The following LRBA variants were observed in gnomAD, a reference collection of about 807,000 sequenced individuals.
LRBA encodes the protein lipopolysaccharide-responsive and beige-like anchor protein.
LRBA carries 176 observed loss-of-function variants against 330.0 expected under a neutral mutation model. That is an observed-to-expected ratio of 0.53 (90% CI 0.47 to 0.60). The LOEUF is 0.60. LRBA is among the 20% of genes least tolerant of loss of function. LRBA has a pLI of 0.00. For missense variants in LRBA, 3,259 were observed against 3,444.8 expected (o/e 0.95, Z 1.35); for synonymous variants, 1,230 against 1,193.0 (o/e 1.03, Z -0.64).
intron 2 of LRBA, among the ~76,000 whole-genome samples, chr4:150,969,956 A>G (rs1002399918): frequency 3.3e-5 from 5 of 152,194 alleles, no homozygotes; most frequent in African/African-American, 1.2e-4. Flanking sequence ...ATTGCATGCT[A>G]CAGAGAAATT....
chr4:150,592,474 T>C (rs1773009600), intron 38 of LRBA, among the ~76,000 whole-genome samples: 1 of 152,006 alleles, frequency 6.6e-6, no homozygotes, highest in African/African-American at 2.4e-5. Context: ...TAATAAGAAG[T>C]CATGGGAAGA....
At chr4:150,685,715 G>A (rs372334435) in intron 36 of LRBA, among the ~76,000 whole-genome samples, 34 of 151,694 alleles carry the variant, frequency 2.2e-4, no homozygotes, top group African/African-American at 7.3e-4. Flanking sequence ...GATTACAGGC[G>A]TGAGCCACCG....
chr4:150,959,308 C>T (rs1737883042), intron 2 of LRBA, among the ~76,000 whole-genome samples: 1 of 149,178 alleles, frequency 6.7e-6, no homozygotes, highest in African/African-American at 2.6e-5. Flanking sequence ...AACCCACCCC[C>T]ATGATTCAAT....
intron 44 of LRBA, among the ~76,000 whole-genome samples, chr4:150,456,834 T>C (rs372501568): frequency 6.6e-6 from 1 of 152,092 alleles, no homozygotes; most frequent in African/African-American, 2.4e-5. Context: ...TTCATTTTGA[T>C]TTGATTTTTG....
At chr4:150,515,629 A>G (rs1471470452) in intron 40 of LRBA, among the ~76,000 whole-genome samples, 1 of 152,168 alleles carries the variant, frequency 6.6e-6, no homozygotes, top group Admixed American at 6.5e-5. Flanking sequence ...AATAAATGAA[A>G]TAATAAAATG....
intron 2 of LRBA, among the ~76,000 whole-genome samples, chr4:150,943,024 G>A (rs570489078): frequency 2.0e-5 from 3 of 152,088 alleles, no homozygotes; most frequent in African/African-American, 4.8e-5. Flanking sequence ...CAAAATAGTC[G>A]AAATCTCCTC....
intron 56 of LRBA, among the ~76,000 whole-genome samples, chr4:150,273,649 A>G (rs1218865480): frequency 9.2e-5 from 14 of 152,100 alleles, no homozygotes; most frequent in Non-Finnish European, 2.9e-5. Context: ...AAAAAAAAAA[A>G]GCAGGGTTGC....
intron 47 of LRBA, among the ~76,000 whole-genome samples, chr4:150,409,436 G>C (rs1746645808): frequency 6.6e-6 from 1 of 152,060 alleles, no homozygotes; most frequent in Non-Finnish European, 1.5e-5. Context: ...CCACAGTTCT[G>C]CAATACTAGC....
intron 2 of LRBA, among the ~76,000 whole-genome samples, chr4:151,011,234 T>G (rs1744807132): frequency 6.6e-6 from 1 of 151,452 alleles, no homozygotes; most frequent in Non-Finnish European, 1.5e-5. Context: ...GGCTCTACCA[T>G]GTACTATTTG....
At chr4:150,544,601 T>C (rs989488535) in intron 40 of LRBA, among the ~76,000 whole-genome samples, 1 of 152,146 alleles carries the variant, frequency 6.6e-6, no homozygotes, top group African/African-American at 2.4e-5. Context: ...CCACACTTCC[T>C]TGCCACAGCA....
intron 34 of LRBA, among the ~76,000 whole-genome samples, chr4:150,762,852 T>C (rs909504206): frequency 6.6e-6 from 1 of 151,996 alleles, no homozygotes; most frequent in Non-Finnish European, 1.5e-5. Context: ...ATTCATATTT[T>C]CTGAGTGTAA....
intron 34 of LRBA, among the ~76,000 whole-genome samples, chr4:150,775,805 G>GAAAAAAAAAAAAAAAAAA (rs35161747): frequency 1.0e-4 from 6 of 59,982 alleles, no homozygotes; most frequent in African/African-American, 2.4e-4. Context: ...AAGAAAGAAT[G>GAAAAAAAAAAAAAAAAAA]AAAAAAAAAA....
Position 150,574,055 on chromosome 4 carries a change from G to C in LRBA, c.6330+13993C>G, listed in dbSNP as rs28524563. ...CATTAAAATGTCCAAAACATTGACA[G>C]TCCATTAAATATTTAAGGGAAAAAA... On this transcript the variant is annotated intron_variant, in intron 40 of 56. Transcript: ENST00000651943. 6.1e-3 allele frequency among the ~76,000 whole-genome samples: 928 copies of C among 152,014 alleles called. 5 individuals are homozygous for C. The highest frequency in any genetic ancestry group is 0.022 in the African/African-American group (897 of 41,478).
intron 37 of LRBA, among the ~76,000 whole-genome samples, chr4:150,661,227 T>G (rs1389443330): frequency 6.6e-6 from 1 of 151,640 alleles, no homozygotes; most frequent in East Asian, 1.9e-4. Flanking sequence ...TCCCAGCAAT[T>G]TGGGAGGCTG....
chr4:150,899,335 C>T (rs1172848218), intron 14 of LRBA, among the ~76,000 whole-genome samples: 1 of 152,132 alleles, frequency 6.6e-6, no homozygotes, highest in Non-Finnish European at 1.5e-5. Context: ...GTGAAAACAG[C>T]CAACACAGAA....
chr4:150,833,106 G>T (rs1347328082), intron 28 of LRBA, among the ~76,000 whole-genome samples: 1 of 151,652 alleles, frequency 6.6e-6, no homozygotes, highest in Admixed American at 6.6e-5. Flanking sequence ...ATTTAAAATA[G>T]TACAAACAAT....
chr4:150,425,874 C>G (rs935480719), intron 46 of LRBA, among the ~76,000 whole-genome samples: 1 of 151,764 alleles, frequency 6.6e-6, no homozygotes, highest in African/African-American at 2.4e-5. Flanking sequence ...TAGAAGTTAA[C>G]TAATTTAAGG....
chr4:151,005,504 T>C (rs1743937226), intron 2 of LRBA, among the ~76,000 whole-genome samples: 1 of 128,936 alleles, frequency 7.8e-6, no homozygotes, highest in African/African-American at 3.1e-5. Flanking sequence ...AATGAATGAA[T>C]ACTAGAAAAC....
intron 34 of LRBA, among the ~76,000 whole-genome samples, chr4:150,768,656 A>T (rs1303655043): frequency 6.6e-6 from 1 of 152,150 alleles, no homozygotes; most frequent in Non-Finnish European, 1.5e-5. Context: ...ACCAGTGGAC[A>T]ACTCATACCC....
Sources: allele counts gnomAD v4.1 joint callset (sites outside exome capture counted in the v4.1 genomes callset), GRCh38; gene constraint gnomAD v4.1.1; transcripts MANE v1.5; gene names NCBI Gene and HGNC (gene_info 2026-07-23, HGNC 2026-07-21).